SGCZ: variants seen among roughly 807,000 people sequenced by gnomAD.
The protein encoded by SGCZ is zeta-sarcoglycan.
A neutral mutation model predicts 41.3 loss-of-function variants in SGCZ; 40 were observed. The ratio of observed to expected loss-of-function variants is 0.97; its 90% CI spans 0.75 to 1.26. The LOEUF is 1.26. Ranked by LOEUF, SGCZ falls within the 50% of genes most tolerant of loss-of-function variation. The pLI, the probability that SGCZ is intolerant of heterozygous loss-of-function variation, is 0.00. For missense variants in SGCZ, 552 were observed against 369.8 expected, an observed-to-expected ratio of 1.49 and a Z score of -4.04; for synonymous variants, 206 against 137.5, an observed-to-expected ratio of 1.50 and a Z score of -3.49.
At chr8:14,622,029 T>C (rs943836224) in intron 1 of SGCZ, among the ~76,000 whole-genome samples, 17 of 152,034 alleles carry the variant, frequency 1.1e-4, no homozygotes, top group African/African-American at 3.6e-4. Flanking sequence ...ATCTAAACTA[T>C]TGTATAAATG....
At chr8:14,593,356 G>A (rs1805300322) in intron 1 of SGCZ, among the ~76,000 whole-genome samples, 1 of 152,110 alleles carries the variant, frequency 6.6e-6, no homozygotes, top group African/African-American at 2.4e-5. Flanking sequence ...AAAAGGACAT[G>A]GATTCTCCCC....
At chr8:14,681,085 T>A (rs1475689535) in intron 1 of SGCZ, among the ~76,000 whole-genome samples, 1 of 149,880 alleles carries the variant, frequency 6.7e-6, no homozygotes, top group Non-Finnish European at 1.5e-5. Context: ...GCTAGACAAA[T>A]ACATTTAATG....
chr8:14,326,263 C>T (rs566785438), intron 2 of SGCZ, among the ~76,000 whole-genome samples: 2 of 151,856 alleles, frequency 1.3e-5, no homozygotes, highest in East Asian at 3.9e-4. Flanking sequence ...TTTATGTGTT[C>T]AGGGATGTTG....
intron 4 of SGCZ, among the ~76,000 whole-genome samples, chr8:14,189,407 C>T (rs1805018521): frequency 6.6e-6 from 1 of 152,182 alleles, no homozygotes; most frequent in African/African-American, 2.4e-5. Flanking sequence ...TGGAAGACCT[C>T]TCTGGTTCTT....
At chr8:15,089,170 C>T (rs528929116) in intron 1 of SGCZ, among the ~76,000 whole-genome samples, 1 of 152,154 alleles carries the variant, frequency 6.6e-6, no homozygotes, top group South Asian at 2.1e-4. Context: ...TATTACTAAC[C>T]TGGATATACT....
At chr8:14,882,991 A>G (rs1804650647) in intron 1 of SGCZ, among the ~76,000 whole-genome samples, 1 of 152,146 alleles carries the variant, frequency 6.6e-6, no homozygotes, top group African/African-American at 2.4e-5. Context: ...ATCTCATTTT[A>G]CATCTATGTA....
At chr8:14,322,503 A>G (rs2117028382) in intron 3 of SGCZ, among the ~76,000 whole-genome samples, 1 of 152,190 alleles carries the variant, frequency 6.6e-6, no homozygotes, top group South Asian at 2.1e-4. Flanking sequence ...CTGTTTCTCA[A>G]GAGAATCCTA....
rs143140439 is a variant in SGCZ at position 14,454,180 on chromosome 8, G to C, written c.234+100552C>G. ...GTCAGATAGTAAGAGCCAAGGTATG[G>C]TGGCAGGATTTCTAATATGTAGGTT... On this transcript the variant is annotated intron_variant, in intron 2 of 7. Coordinates refer to ENST00000382080, the MANE Select transcript of SGCZ (RefSeq NM_139167.4). Among the ~76,000 whole-genome samples, 6 of 152,230 alleles carry C rather than the reference G, an allele frequency of 3.9e-5. No individual in the cohort carries two copies. The East Asian group carries it at 1.2e-3, about 29-fold the overall frequency.
intron 1 of SGCZ, among the ~76,000 whole-genome samples, chr8:15,229,918 G>A (rs1801890316): frequency 6.6e-6 from 1 of 152,194 alleles, no homozygotes; most frequent in Admixed American, 6.5e-5. Flanking sequence ...AAAAACATGT[G>A]TGGAAATAAG....
chr8:14,103,626 G>A (rs934670735), intron 6 of SGCZ, among the ~76,000 whole-genome samples: 2 of 150,890 alleles, frequency 1.3e-5, no homozygotes, highest in African/African-American at 4.9e-5. Context: ...CCAGCATTGA[G>A]AAGTGGTTTC....
intron 2 of SGCZ, among the ~76,000 whole-genome samples, chr8:14,366,810 C>A (rs568832950): frequency 1.3e-5 from 2 of 152,220 alleles, no homozygotes; most frequent in South Asian, 4.1e-4. Flanking sequence ...AAGTTAATTA[C>A]TTCTTAGATA....
At chr8:14,660,696 T>G (rs1479034459) in intron 1 of SGCZ, among the ~76,000 whole-genome samples, 1 of 151,298 alleles carries the variant, frequency 6.6e-6, no homozygotes, top group Non-Finnish European at 1.5e-5. Context: ...GAGAGACCAG[T>G]GAAATAATAT....
At chr8:14,505,162 T>C (rs1340930442) in intron 2 of SGCZ, among the ~76,000 whole-genome samples, 2 of 152,046 alleles carry the variant, frequency 1.3e-5, no homozygotes, top group African/African-American at 2.4e-5. Context: ...ATCCCAAAAA[T>C]TATATATATA....
chr8:14,616,190 G>A (rs1806096211), intron 1 of SGCZ, among the ~76,000 whole-genome samples: 2 of 151,968 alleles, frequency 1.3e-5, no homozygotes, highest in African/African-American at 2.4e-5. Flanking sequence ...GGCTGAGGCA[G>A]GAGAATGGCG....
intron 2 of SGCZ, among the ~76,000 whole-genome samples, chr8:14,401,225 G>C (rs1360260243): frequency 1.3e-5 from 2 of 151,976 alleles, no homozygotes; most frequent in East Asian, 3.9e-4. Context: ...AAACACATAG[G>C]TCATAATCAA....
intron 1 of SGCZ, among the ~76,000 whole-genome samples, chr8:14,632,431 C>T (rs1806688865): frequency 6.6e-6 from 1 of 152,022 alleles, no homozygotes; most frequent in Non-Finnish European, 1.5e-5. Context: ...AAGGTAGCTA[C>T]TATGAGGGGT....
intron 1 of SGCZ, among the ~76,000 whole-genome samples, chr8:14,594,463 T>C (rs111782109): frequency 6.6e-6 from 1 of 152,124 alleles, no homozygotes; most frequent in African/African-American, 2.4e-5. Context: ...TTTTCAGTTT[T>C]CTTTCTGCCC....
intron 1 of SGCZ, among the ~76,000 whole-genome samples, chr8:15,186,187 G>T (rs544118): frequency 6.7e-6 from 1 of 148,632 alleles, no homozygotes; most frequent in Non-Finnish European, 1.5e-5. Flanking sequence ...GCATGAACCC[G>T]GGAGGCGGAG....
At chr8:14,352,182 G>A (rs917485019) in intron 2 of SGCZ, among the ~76,000 whole-genome samples, 3 of 152,010 alleles carry the variant, frequency 2.0e-5, no homozygotes, top group Non-Finnish European at 4.4e-5. Context: ...ACAAAAACTT[G>A]TGTGAAGACT....
Sources: allele counts gnomAD v4.1 joint callset (sites outside exome capture counted in the v4.1 genomes callset), GRCh38; gene constraint gnomAD v4.1.1; transcripts MANE v1.5; gene names NCBI Gene and HGNC (gene_info 2026-07-23, HGNC 2026-07-21).